ARK2N: variants seen among roughly 807,000 people sequenced by gnomAD.
ARK2N encodes protein ARK2N.
At chr18:46,247,879 C>T in the ARK2N span, among the ~76,000 whole-genome samples, 1 of 152,218 alleles carries the variant, frequency 6.6e-6, no homozygotes, top group Non-Finnish European at 1.5e-5. Flanking sequence ...GCCATGTTGG[C>T]CAGGCTTGGT....
chr18:46,229,651 CT>C, the ARK2N span, among the ~76,000 whole-genome samples: 3 of 151,872 alleles, frequency 2.0e-5, no homozygotes, highest in African/African-American at 7.3e-5. Context: ...AGGTCTCGCT[CT>C]ATTGCCCAGG....
chr18:46,250,491 T>TACAC, the ARK2N span, among the ~76,000 whole-genome samples: 150 of 129,758 alleles, frequency 1.2e-3, 2 homozygotes, highest in African/African-American at 2.7e-3. Flanking sequence ...CCTCCATTCG[T>TACAC]ACACACACAC....
At chr18:46,189,211 T>TAAAAAA in the ARK2N span, among the ~76,000 whole-genome samples, 1 of 28,342 alleles carries the variant, frequency 3.5e-5, no homozygotes, top group African/African-American at 1.6e-4. Context: ...CGAGACTGTC[T>TAAAAAA]CAAAAAAAAA....
chr18:46,254,597 G>C, the ARK2N span, among the ~76,000 whole-genome samples: 1 of 152,064 alleles, frequency 6.6e-6, no homozygotes, highest in Non-Finnish European at 1.5e-5. Context: ...AAAATTACAG[G>C]AATTAAAATT....
At chr18:46,207,304 T>C in the ARK2N span, among the ~76,000 whole-genome samples, 1 of 152,172 alleles carries the variant, frequency 6.6e-6, no homozygotes, top group Non-Finnish European at 1.5e-5. Flanking sequence ...AAAAATTGAT[T>C]ACTAGGTAGC....
At chr18:46,209,862 G>A in the ARK2N span, among the ~76,000 whole-genome samples, 1 of 152,092 alleles carries the variant, frequency 6.6e-6, no homozygotes, top group South Asian at 2.1e-4. Flanking sequence ...CCAAAGTGCT[G>A]GGATTACAGG....
At chr18:46,230,212 A>ACC in the ARK2N span, among the ~76,000 whole-genome samples, 1 of 152,202 alleles carries the variant, frequency 6.6e-6, no homozygotes, top group East Asian at 1.9e-4. Context: ...GGCGTGAGGC[A>ACC]CCGCGCCTGG....
At chr18:46,211,158 TAGTG>T in the ARK2N span, among the ~76,000 whole-genome samples, 3 of 152,192 alleles carry the variant, frequency 2.0e-5, no homozygotes, top group Admixed American at 1.3e-4. Context: ...GATTTAGAGA[TAGTG>T]AGGTCATTAA....
chr18:46,226,020 C>T, the ARK2N span, among the ~76,000 whole-genome samples: 1 of 152,040 alleles, frequency 6.6e-6, no homozygotes, highest in African/African-American at 2.4e-5. Flanking sequence ...TTAGCACTTA[C>T]TCTCTACAGA....
the ARK2N span, among the ~76,000 whole-genome samples, chr18:46,198,950 T>G: frequency 6.6e-6 from 1 of 152,156 alleles, no homozygotes; most frequent in East Asian, 1.9e-4. Flanking sequence ...AGAAAAGAGT[T>G]CCTCATTCAT....
chr18:46,236,521 T>C, the ARK2N span, among the ~76,000 whole-genome samples: 4 of 152,312 alleles, frequency 2.6e-5, no homozygotes, highest in African/African-American at 7.2e-5. Flanking sequence ...TATTAGAAAT[T>C]TATGTTTTAA....
chr18:46,210,005 A>G, the ARK2N span, among the ~76,000 whole-genome samples: 17 of 152,158 alleles, frequency 1.1e-4, no homozygotes, highest in Non-Finnish European at 2.5e-4. Flanking sequence ...CATCAGATAA[A>G]TCTCAACTTG....
the ARK2N span, among the ~76,000 whole-genome samples, chr18:46,195,559 C>CTTTTTTTTTTT: frequency 1.5e-4 from 11 of 72,686 alleles, no homozygotes; most frequent in African/African-American, 6.2e-4. Flanking sequence ...CCCACATAAA[C>CTTTTTTTTTTT]TTTTTTTTTT....
the ARK2N span, among the ~76,000 whole-genome samples, chr18:46,246,506 G>C: frequency 6.6e-6 from 1 of 152,130 alleles, no homozygotes; most frequent in African/African-American, 2.4e-5. Context: ...TTTATCTAAG[G>C]CTCTGACAGG....
At chr18:46,175,376 T>C in the ARK2N span, among the ~76,000 whole-genome samples, 1 of 152,156 alleles carries the variant, frequency 6.6e-6, no homozygotes, top group Non-Finnish European at 1.5e-5. Context: ...TTGTGTAGTA[T>C]TGGGTACATG....
the ARK2N span, among the ~76,000 whole-genome samples, chr18:46,188,075 T>G: frequency 6.6e-6 from 1 of 152,204 alleles, no homozygotes; most frequent in Non-Finnish European, 1.5e-5. Context: ...TTTGTAAGCC[T>G]AGTATTATTA....
the ARK2N span, among the ~76,000 whole-genome samples, chr18:46,236,904 G>A: frequency 6.6e-6 from 1 of 150,666 alleles, no homozygotes. Flanking sequence ...TGCTCTGTTG[G>A]CCACACTGGA....
the ARK2N span, among the ~76,000 whole-genome samples, chr18:46,247,208 A>G: frequency 6.6e-6 from 1 of 152,200 alleles, no homozygotes; most frequent in Non-Finnish European, 1.5e-5. Context: ...TAAAATTAAC[A>G]AAAGTAGCAT....
chr18:46,174,677 A>C, the ARK2N span, among the ~76,000 whole-genome samples: 1 of 151,610 alleles, frequency 6.6e-6, no homozygotes, highest in African/African-American at 2.4e-5. Context: ...TGCTGAGGGG[A>C]GGCTGGAGGT....
Sources: gnomAD v4.1 joint callset for allele counts (sites outside exome capture counted in the v4.1 genomes callset) on GRCh38, gnomAD v4.1.1 for gene constraint, MANE v1.5 for transcripts, NCBI Gene and HGNC (gene_info 2026-07-23, HGNC 2026-07-21) for gene names.